Variants in SORCS1 observed in about 807,000 individuals in gnomAD.
SORCS1 encodes the protein sortilin related VPS10 domain containing receptor 1.
In SORCS1, 60 loss-of-function variants were observed where a neutral mutation model predicts 146.1. That is an observed-to-expected ratio of 0.41 (90% CI 0.33 to 0.51). The LOEUF is 0.51. Ranked by LOEUF, SORCS1 falls within the 20% of genes least tolerant of loss-of-function variation. SORCS1 has a pLI of 0.21. For missense variants in SORCS1, 1,352 were observed against 1,487.6 expected (o/e 0.91, Z 1.50); for synonymous variants, 637 against 584.0 (o/e 1.09, Z -1.31).
At chr10:107,033,958 C>T (rs958447057) in intron 1 of SORCS1, among the ~76,000 whole-genome samples, 1 of 152,216 alleles carries the variant, frequency 6.6e-6, no homozygotes, top group African/African-American at 2.4e-5. Context: ...GCACATTAAT[C>T]ACTCCTGATG....
chr10:106,762,985 C>T (rs1474692413), intron 4 of SORCS1, among the ~76,000 whole-genome samples: 1 of 152,104 alleles, frequency 6.6e-6, no homozygotes, highest in Non-Finnish European at 1.5e-5. Flanking sequence ...TCTCTCTCCC[C>T]TTTGTCTTCT....
intron 2 of SORCS1, among the ~76,000 whole-genome samples, chr10:106,936,791 T>C (rs1275823728): frequency 6.6e-6 from 1 of 152,180 alleles, no homozygotes; most frequent in East Asian, 1.9e-4. Context: ...TAATGCAAGG[T>C]TCAACTCTAA....
At chr10:106,964,658 T>C (rs561878817) in intron 1 of SORCS1, among the ~76,000 whole-genome samples, 1 of 152,154 alleles carries the variant, frequency 6.6e-6, no homozygotes, top group East Asian at 1.9e-4. Flanking sequence ...GGCAAATTTT[T>C]TATATTTTTA....
At chr10:106,593,676 T>C (rs1845744690) in intron 24 of SORCS1, among the ~76,000 whole-genome samples, 1 of 152,208 alleles carries the variant, frequency 6.6e-6, no homozygotes, top group South Asian at 2.1e-4. Flanking sequence ...AAGACCCTAC[T>C]ATCAAAACTA....
At chr10:106,736,685 C>A (rs1199890250) in intron 5 of SORCS1, among the ~76,000 whole-genome samples, 1 of 135,116 alleles carries the variant, frequency 7.4e-6, no homozygotes. Context: ...GAGGTCTCGT[C>A]TGCGTCCAAC....
Position 106,754,080 on chromosome 10 carries a change from C to A in SORCS1, c.959+7508G>T, listed in dbSNP as rs113413422. On this transcript the variant is annotated intron_variant, in intron 5 of 25. Transcript: ENST00000263054. Reference sequence around the variant, plus strand: ...TTCCCCACGTCTTTTGGTAAAAGCACCTTAGTCTCTCCTGGGGCATCATAT... The same window carrying A: ...TTCCCCACGTCTTTTGGTAAAAGCAACTTAGTCTCTCCTGGGGCATCATAT... Among the ~76,000 whole-genome samples, 1,390 of 152,294 alleles carry A rather than the reference C, an allele frequency of 9.1e-3. 22 individuals are homozygous for A. The highest frequency in any genetic ancestry group is 0.032 in the African/African-American group (1,321 of 41,560).
chr10:106,980,072 G>C (rs923591760), intron 1 of SORCS1, among the ~76,000 whole-genome samples: 2 of 152,150 alleles, frequency 1.3e-5, no homozygotes, highest in Non-Finnish European at 2.9e-5. Flanking sequence ...AAAGACTCTA[G>C]AGCAATTTCC....
At chr10:106,941,940 T>C (rs1954065088) in intron 2 of SORCS1, among the ~76,000 whole-genome samples, 1 of 152,318 alleles carries the variant, frequency 6.6e-6, no homozygotes, top group South Asian at 2.1e-4. Flanking sequence ...TGGAGAAGGC[T>C]GCTTAGTGTT....
chr10:106,600,716 A>G (rs1425799466), intron 23 of SORCS1: 23 of 985,346 alleles, frequency 2.3e-5, no homozygotes, highest in Non-Finnish European at 2.8e-5. Flanking sequence ...GGAAAGGAAC[A>G]TGGAGCTTAA....
intron 2 of SORCS1, among the ~76,000 whole-genome samples, chr10:106,943,851 C>T (rs1164877061): frequency 6.6e-6 from 1 of 152,052 alleles, no homozygotes; most frequent in Non-Finnish European, 1.5e-5. Flanking sequence ...CACCTCATCC[C>T]CATCTCCCAT....
At chr10:107,086,922 G>A (rs559060664) in intron 1 of SORCS1, among the ~76,000 whole-genome samples, 6 of 152,288 alleles carry the variant, frequency 3.9e-5, no homozygotes, top group East Asian at 1.9e-4. Flanking sequence ...CCAGCTACTC[G>A]GGAGGCTGAG....
Position 106,875,388 on chromosome 10 carries a change from T to A in SORCS1, c.627-45715A>T, listed in dbSNP as rs542689366. 2.0e-5 allele frequency among the ~76,000 whole-genome samples: 3 copies of A among 152,338 alleles called. No individual in the cohort carries two copies. The South Asian group carries it at 6.2e-4, about 32-fold the overall frequency. On this transcript the variant is annotated intron_variant, in intron 2 of 25. Coordinates refer to ENST00000263054, the MANE Select transcript of SORCS1 (RefSeq NM_052918.5). ...TCAGTGGGCACTTATGTTGGTTCCA[T>A]GTCTTTGCAATTGTGAATTGAGCTG...
intron 1 of SORCS1, among the ~76,000 whole-genome samples, chr10:106,981,184 T>G (rs1053155074): frequency 6.6e-6 from 1 of 152,030 alleles, no homozygotes; most frequent in Admixed American, 6.6e-5. Flanking sequence ...TCCAGATAAA[T>G]AAATAAATAC....
rs186161977 is a variant in SORCS1 at position 106,986,213 on chromosome 10, T to C, written c.559-29633A>G. Reference sequence around the variant, plus strand: ...ACTTTTAACATATACATGATATATATGTACATACAGCATGTATATTCATAT... The same window carrying C: ...ACTTTTAACATATACATGATATATACGTACATACAGCATGTATATTCATAT... On this transcript the variant is annotated intron_variant, in intron 1 of 25. Transcript: ENST00000263054. Among the ~76,000 whole-genome samples the C allele has an allele frequency of 5.7e-3, 838 of 147,276 alleles. 5 individuals carry two copies. Among genetic ancestry groups the C allele is most frequent in the Middle Eastern group, 0.038 (10 of 266 alleles).
intron 1 of SORCS1, among the ~76,000 whole-genome samples, chr10:107,091,087 T>C (rs772043106): frequency 4.1e-4 from 63 of 152,236 alleles, no homozygotes; most frequent in Non-Finnish European, 6.6e-4. Context: ...CCCTCTGTTA[T>C]GGTTCATCAT....
In SORCS1 at chr10:106,776,524, G is replaced by C; in HGVS notation, c.885+10C>G. 1 of 1,613,704 alleles carries C rather than the reference G, an allele frequency of 6.2e-7. No individual in the cohort carries two copies. The highest frequency in any genetic ancestry group is 8.5e-7 in the Non-Finnish European group (1 of 1,179,704). On this transcript the variant is annotated intron_variant, in intron 4 of 25. Coordinates refer to ENST00000263054, the MANE Select transcript of SORCS1 (RefSeq NM_052918.5). ...TGCTTCATTGTCTCAAACAAGGTAA[G>C]TATGCTCACCTTTTGGTCTTGACTG...
chr10:106,747,782 A>G (rs1857851119), intron 5 of SORCS1, among the ~76,000 whole-genome samples: 1 of 152,228 alleles, frequency 6.6e-6, no homozygotes, highest in South Asian at 2.1e-4. Context: ...ATATTTTCCA[A>G]TAGCAAGAGG....
intron 2 of SORCS1, among the ~76,000 whole-genome samples, chr10:106,948,803 CAA>C: frequency 6.6e-6 from 1 of 151,566 alleles, no homozygotes; most frequent in East Asian, 1.9e-4. Flanking sequence ...ACTAAAAATA[CAA>C]AAAAAATTAG....
At chr10:106,758,366 A>T (rs985275498) in intron 5 of SORCS1, among the ~76,000 whole-genome samples, 1 of 152,184 alleles carries the variant, frequency 6.6e-6, no homozygotes, top group African/African-American at 2.4e-5. Flanking sequence ...CATCCTTTCA[A>T]TATTTTTCAT....
Sources: gnomAD v4.1 joint callset for allele counts (sites outside exome capture counted in the v4.1 genomes callset) on GRCh38, gnomAD v4.1.1 for gene constraint, MANE v1.5 for transcripts, NCBI Gene and HGNC (gene_info 2026-07-23, HGNC 2026-07-21) for gene names.